NAT1: variants seen among roughly 807,000 people sequenced by gnomAD.
The protein encoded by NAT1 is arylamine N-acetyltransferase 1.
For synonymous variants in NAT1, 144 were observed against 122.6 expected (o/e 1.17, Z -1.16); for missense variants, 400 against 339.2 (o/e 1.18, Z -1.41).
rs201435802 is a variant in NAT1, at chr8:18,222,762, C to A, written c.715C>A (p.Leu239Ile). 1 of 1,613,650 alleles carries A rather than the reference C, an allele frequency of 6.2e-7. No homozygotes were observed. Among genetic ancestry groups the A allele is most frequent in the Non-Finnish European group, 8.5e-7 (1 of 1,179,922 alleles). Reference sequence around the variant, plus strand: ...GGTTCACTGTTTGGTGGGCTTCACCCTCACCCATAGGAGATTCAATTATAA... The same window carrying A: ...GGTTCACTGTTTGGTGGGCTTCACCATCACCCATAGGAGATTCAATTATAA... The part of the protein sequence containing the change: ...DGVHCLVGFT[L>I]THRRFNYKDN... Residue 239 changes from leucine to isoleucine, a missense_variant, in exon 3 of 3, where the codon CTC (leucine) becomes ATC (isoleucine). Transcript: ENST00000307719.
At chr8:18,216,492 T>C (rs73571979) in intron 1 of NAT1, among the ~76,000 whole-genome samples, 4,869 of 152,258 alleles carry the variant, frequency 0.032, 260 homozygotes, top group African/African-American at 0.11. Context: ...TGGCTTCAGT[T>C]ACCTCTAGTA....
intron 2 of NAT1, among the ~76,000 whole-genome samples, chr8:18,200,318 T>TA (rs71217306): frequency 0.094 from 14,271 of 151,736 alleles, 1,801 homozygotes; most frequent in African/African-American, 0.29. Flanking sequence ...TAGACTGGAT[T>TA]AAAAAAAAAT....
At chr8:18,219,561 T>C (rs1805073610) in intron 2 of NAT1, 72 bp downstream of exon 2, 8 of 776,100 alleles carry the variant, frequency 1.0e-5, no homozygotes, top group East Asian at 2.7e-5. Flanking sequence ...TTAAGTCTTA[T>C]ATTTATGATC....
intron 1 of NAT1, among the ~76,000 whole-genome samples, chr8:18,215,690 A>T (rs919407289): frequency 5.3e-5 from 8 of 150,742 alleles, no homozygotes; most frequent in African/African-American, 1.7e-4. Flanking sequence ...TTTGCATGTT[A>T]TGTCTTTTCT....
intron 1 of NAT1, chr8:18,211,462 T>A (rs1711970750): frequency 1.3e-5 from 2 of 152,278 alleles, no homozygotes; most frequent in African/African-American, 4.8e-5. Context: ...CAAAAGGAAC[T>A]TTTTAACTGT....
chr8:18,170,656 T>C, intron 1 of NAT1: 1 of 152,198 alleles, frequency 6.6e-6, no homozygotes, highest in Non-Finnish European at 1.5e-5. Flanking sequence ...AAATTTAATT[T>C]AACTTGGACT....
chr8:18,178,192 C>T (rs1802366880), intron 2 of NAT1, among the ~76,000 whole-genome samples: 1 of 151,290 alleles, frequency 6.6e-6, no homozygotes, highest in Non-Finnish European at 1.5e-5. Flanking sequence ...AGAACTCACA[C>T]TGTATGTTTC....
chr8:18,202,764 A>G (rs1278749086), intron 2 of NAT1, among the ~76,000 whole-genome samples: 1 of 152,168 alleles, frequency 6.6e-6, no homozygotes, highest in East Asian at 1.9e-4. Flanking sequence ...GTGAGGACCC[A>G]AAGAGTGAGG....
At chr8:18,211,571 T>C (rs1804104704) in intron 1 of NAT1, among the ~76,000 whole-genome samples, 1 of 152,212 alleles carries the variant, frequency 6.6e-6, no homozygotes, top group South Asian at 2.1e-4. Flanking sequence ...TTTTCTGGCC[T>C]GGTGCAAGTA....
At chr8:18,196,661 C>G (rs941018841) in intron 2 of NAT1, among the ~76,000 whole-genome samples, 2 of 152,154 alleles carry the variant, frequency 1.3e-5, no homozygotes, top group African/African-American at 4.8e-5. Flanking sequence ...TTTTTTCTCT[C>G]CCTTCTGGGA....
At position 18,222,872 on chromosome 8, in the gene NAT1, G is replaced by T. The variant is rs775977591; in HGVS notation, c.825G>T (p.Leu275Phe). 3.2e-6 allele frequency: 5 copies of T among 1,587,096 alleles called. No individual in the cohort carries two copies. Among genetic ancestry groups the T allele is most frequent in the Non-Finnish European group, 4.3e-6 (5 of 1,171,400 alleles). The change falls in exon 3 of 3, where the codon TTG becomes TTT. Residue 275 changes from leucine (L) to phenylalanine (F), a missense_variant. Transcript: ENST00000307719. ...TGAAAAATATATTTAATATTTCCTT[G>T]CAGAGAAAGCTTGTGCCCAAACATG... Reference protein sequence around the residue: ...KVLKNIFNISLQRKLVPKHGD... With the variant: ...KVLKNIFNISFQRKLVPKHGD...
intron 2 of NAT1, among the ~76,000 whole-genome samples, chr8:18,188,994 C>CAA (rs55636901): frequency 3.2e-4 from 27 of 83,096 alleles, no homozygotes; most frequent in Admixed American, 8.5e-4. Flanking sequence ...GACTCCGACT[C>CAA]AAAAAAAAAA....
chr8:18,188,768 G>C (rs998586484), intron 2 of NAT1, among the ~76,000 whole-genome samples: 1 of 151,526 alleles, frequency 6.6e-6, no homozygotes, highest in African/African-American at 2.4e-5. Context: ...AGGCTGAGGC[G>C]GGTGGATCAT....
intron 2 of NAT1, among the ~76,000 whole-genome samples, chr8:18,220,657 G>C (rs556742557): frequency 6.7e-6 from 1 of 149,614 alleles, no homozygotes; most frequent in Non-Finnish European, 1.5e-5. Context: ...TTCATCTCTT[G>C]GTAAACTTGG....
chr8:18,170,559 C>T (rs962371994), intron 1 of NAT1: 2 of 152,206 alleles, frequency 1.3e-5, no homozygotes, highest in African/African-American at 4.8e-5. Flanking sequence ...TAGCTCACCT[C>T]ATCGGAGGTG....
rs111848753 is a variant in NAT1, at chr8:18,222,145, G to A, written c.98G>A (p.Arg33Gln). 32 of 1,613,968 alleles carry A rather than the reference G, an allele frequency of 2.0e-5. No individual in the cohort carries two copies. Among genetic ancestry groups the A allele is most frequent in the African/African-American group, 1.9e-4 (14 of 74,888 alleles). ...ACTGACATTCTTCAACACCAGATCC[G>A]AGCTGTTCCCTTTGAGAACCTTAAC... ...TLTDILQHQI[R>Q]AVPFENLNIH... Residue 33 changes from arginine (R) to glutamine (Q), a missense_variant, in exon 3 of 3, where the codon CGA becomes CAA. Physicochemically the swap from Arg to Gln is conservative, Grantham distance 43. Coordinates refer to ENST00000307719, the MANE Select transcript of NAT1 (RefSeq NM_000662.8).
intron 2 of NAT1, among the ~76,000 whole-genome samples, chr8:18,189,143 T>C (rs1370314887): frequency 2.0e-5 from 3 of 152,156 alleles, no homozygotes; most frequent in Non-Finnish European, 4.4e-5. Flanking sequence ...CTCATCAAAG[T>C]TGTCAGATAA....
At chr8:18,171,244 C>T (rs1251926211) in intron 2 of NAT1, among the ~76,000 whole-genome samples, 1 of 152,138 alleles carries the variant, frequency 6.6e-6, no homozygotes, top group East Asian at 1.9e-4. Flanking sequence ...ACAGTGGTGA[C>T]ATTTAATTTG....
chr8:18,181,722 T>C (rs2188023), intron 2 of NAT1, among the ~76,000 whole-genome samples: 48,805 of 152,082 alleles, frequency 0.32, 8,912 homozygotes, highest in African/African-American at 0.49. Flanking sequence ...TTGTCATATA[T>C]AGCCTTTATT....
Sources: gnomAD v4.1 joint callset for allele counts (sites outside exome capture counted in the v4.1 genomes callset) on GRCh38, gnomAD v4.1.1 for gene constraint, MANE v1.5 for transcripts, NCBI Gene and HGNC (gene_info 2026-07-23, HGNC 2026-07-21) for gene names.